Variants in PDCD1LG2 observed in about 807,000 individuals in gnomAD.
The protein encoded by PDCD1LG2 is programmed cell death 1 ligand 2, also known as B7 dendritic cell molecule.
Under a neutral mutation model 28.2 loss-of-function variants are expected in PDCD1LG2, and 32 were observed. The ratio of observed to expected loss-of-function variants is 1.13; its 90% CI spans 0.86 to 1.52. The LOEUF is 1.52. Among genes scored for constraint, PDCD1LG2 ranks in the 40% most tolerant of loss-of-function variants. The pLI, the probability that PDCD1LG2 is intolerant of heterozygous loss-of-function variation, is 0.00. For missense variants in PDCD1LG2, 385 were observed against 323.8 expected (o/e 1.19, Z -1.45); for synonymous variants, 116 against 120.2 (o/e 0.97, Z 0.23).
At chr9:5,531,138 T>G (rs934819856) in intron 2 of PDCD1LG2, among the ~76,000 whole-genome samples, 9 of 152,350 alleles carry the variant, frequency 5.9e-5, no homozygotes, top group African/African-American at 1.7e-4. Flanking sequence ...GGCATTAGTG[T>G]GTTTTAAAAG....
Position 5,569,252 on chromosome 9 carries a change from TA to T in PDCD1LG2, c.817-700del, listed in dbSNP as rs2129972140. Among the ~76,000 whole-genome samples, 1 of 152,252 alleles carries T rather than the reference TA, an allele frequency of 6.6e-6. No individual in the cohort carries two copies. The highest frequency in any genetic ancestry group is 2.1e-4 in the South Asian group (1 of 4,826). ...TAATTTATAAAGGTGTGTGCAGCATTAAGGGAAACCAGCAAGGGATACTGAG... is the reference window on the plus strand; with the variant it reads ...TAATTTATAAAGGTGTGTGCAGCATTAGGGAAACCAGCAAGGGATACTGAG... On this transcript the variant is annotated intron_variant, in intron 6 of 6. Transcript: ENST00000397747. The surrounding 1 kb of genome is among the most constrained non-coding windows in gnomAD (Gnocchi z 4.1).
intron 4 of PDCD1LG2, among the ~76,000 whole-genome samples, chr9:5,555,438 T>C (rs967454249): frequency 6.6e-6 from 1 of 151,820 alleles, no homozygotes; most frequent in African/African-American, 2.4e-5. Context: ...ATTAATTAAT[T>C]AAATTAAAGA....
intron 4 of PDCD1LG2, among the ~76,000 whole-genome samples, chr9:5,553,316 T>C (rs933114454): frequency 2.0e-5 from 3 of 152,216 alleles, no homozygotes; most frequent in Non-Finnish European, 2.9e-5. Flanking sequence ...AACTAATTCA[T>C]ACTAAAGCTA....
At chr9:5,534,424 T>C (rs10975163) in intron 2 of PDCD1LG2, among the ~76,000 whole-genome samples, 8,125 of 152,212 alleles carry the variant, frequency 0.053, 718 homozygotes, top group African/African-American at 0.18. Flanking sequence ...GGTCAGGGAC[T>C]GGAGGTGGGA....
rs553085538 is a variant in PDCD1LG2, at chr9:5,530,081, G to A, written c.56-4664G>A. On this transcript the variant is annotated intron_variant, in intron 2 of 6. Coordinates refer to ENST00000397747, the MANE Select transcript of PDCD1LG2 (RefSeq NM_025239.4). ...GGATAAAATATAAACTTAGTTTCAAGAGGAAGCTATCTTGGGAGGTAATGC... is the reference window on the plus strand; with the variant it reads ...GGATAAAATATAAACTTAGTTTCAAAAGGAAGCTATCTTGGGAGGTAATGC... Among the ~76,000 whole-genome samples, 57 of 147,128 alleles carry A rather than the reference G, an allele frequency of 3.9e-4. 2 individuals carry two copies. The South Asian group carries it at 0.012, about 31-fold the overall frequency.
In PDCD1LG2 at chr9:5,563,645, G is replaced by A. The variant is rs146615971; in HGVS notation, c.816+434G>A. On this transcript the variant is annotated intron_variant, in intron 6 of 6. Coordinates refer to ENST00000397747, the MANE Select transcript of PDCD1LG2 (RefSeq NM_025239.4). ...CAGGTTTGGAGCTGGAATCTGTGGA[G>A]GAGGAAGGATATGATCTAGGGGTCA... Among the ~76,000 whole-genome samples, 129 of 152,310 alleles carry A rather than the reference G, an allele frequency of 8.5e-4. 1 individual carries two copies. The highest frequency in any genetic ancestry group is 2.4e-3 in the African/African-American group (99 of 41,568).
intron 3 of PDCD1LG2, among the ~76,000 whole-genome samples, chr9:5,545,583 A>G (rs555337173): frequency 1.3e-5 from 2 of 152,378 alleles, no homozygotes; most frequent in South Asian, 2.1e-4. Context: ...AAAGGAACAC[A>G]TAACAATCCT....
At chr9:5,527,205 T>A (rs546331302) in intron 2 of PDCD1LG2, among the ~76,000 whole-genome samples, 20 of 152,336 alleles carry the variant, frequency 1.3e-4, no homozygotes, top group Non-Finnish European at 1.9e-4. Flanking sequence ...ATTCTTTTTT[T>A]AAAAAAGTCT....
chr9:5,512,163 G>A (rs1053879022), intron 1 of PDCD1LG2, among the ~76,000 whole-genome samples: 1 of 152,162 alleles, frequency 6.6e-6, no homozygotes, highest in African/African-American at 2.4e-5. Flanking sequence ...AATTCCACAT[G>A]CTAATGTCCA....
chr9:5,533,413 A>G (rs1820520266), intron 2 of PDCD1LG2, among the ~76,000 whole-genome samples: 1 of 152,226 alleles, frequency 6.6e-6, no homozygotes, highest in African/African-American at 2.4e-5. Flanking sequence ...ATGAAAAACA[A>G]GTATCATTTG....
chr9:5,544,435 T>G (rs1363625995), intron 3 of PDCD1LG2, among the ~76,000 whole-genome samples: 2 of 152,130 alleles, frequency 1.3e-5, no homozygotes. Flanking sequence ...CACAAAAGTA[T>G]AGAGCATAGG....
chr9:5,533,811 G>A (rs986992966), intron 2 of PDCD1LG2, among the ~76,000 whole-genome samples: 1 of 151,546 alleles, frequency 6.6e-6, no homozygotes, highest in African/African-American at 2.4e-5. Flanking sequence ...TGAACTGCTT[G>A]GAGCCAGTTT....
intron 5 of PDCD1LG2, among the ~76,000 whole-genome samples, chr9:5,561,627 G>A: frequency 6.6e-6 from 1 of 152,220 alleles, no homozygotes; most frequent in African/African-American, 2.4e-5. Flanking sequence ...GCAAAGTCAA[G>A]TTAGAATCCA....
chr9:5,569,275 T>C lies in PDCD1LG2; in HGVS notation c.817-679T>C, dbSNP rs1003432005. On this transcript the variant is annotated intron_variant, in intron 6 of 6. Coordinates refer to ENST00000397747, the MANE Select transcript of PDCD1LG2 (RefSeq NM_025239.4). This position sits in a 1 kb window ranked among gnomAD's most constrained non-coding sequence, Gnocchi z 4.1. Reference sequence around the variant, plus strand: ...ATTAAGGGAAACCAGCAAGGGATACTGAGCATGCCAGGATGCAAGAGCAGG... The same window carrying C: ...ATTAAGGGAAACCAGCAAGGGATACCGAGCATGCCAGGATGCAAGAGCAGG... Among the ~76,000 whole-genome samples, 2 of 152,190 alleles carry C rather than the reference T, an allele frequency of 1.3e-5. No individual in the cohort carries two copies. Among genetic ancestry groups the C allele is most frequent in the African/African-American group, 2.4e-5 (1 of 41,428 alleles).
intron 2 of PDCD1LG2, among the ~76,000 whole-genome samples, chr9:5,529,201 G>T (rs1389393895): frequency 6.6e-6 from 1 of 152,072 alleles, no homozygotes; most frequent in Non-Finnish European, 1.5e-5. Flanking sequence ...TCATGCTTTT[G>T]GTATCATATC....
intron 2 of PDCD1LG2, among the ~76,000 whole-genome samples, chr9:5,529,640 G>T (rs1820443806): frequency 1.3e-5 from 2 of 152,018 alleles, no homozygotes; most frequent in Non-Finnish European, 2.9e-5. Context: ...AGCCACCCCA[G>T]TCTTTTTTCA....
At chr9:5,525,655 A>C (rs1388172411) in intron 2 of PDCD1LG2, among the ~76,000 whole-genome samples, 1 of 152,080 alleles carries the variant, frequency 6.6e-6, no homozygotes, top group Non-Finnish European at 1.5e-5. Context: ...AAAATAAATA[A>C]ATAAAAATTA....
chr9:5,546,224 T>C (rs1816203192), intron 3 of PDCD1LG2, among the ~76,000 whole-genome samples: 1 of 152,102 alleles, frequency 6.6e-6, no homozygotes, highest in Non-Finnish European at 1.5e-5. Flanking sequence ...ACTTCTGAAA[T>C]CACTTCTCAA....
At chr9:5,538,157 G>C (rs1018235418) in intron 3 of PDCD1LG2, among the ~76,000 whole-genome samples, 3 of 152,100 alleles carry the variant, frequency 2.0e-5, no homozygotes, top group Admixed American at 6.5e-5. Context: ...AGAAGGAATT[G>C]AATAGATTAG....
Sources: gnomAD v4.1 joint callset for allele counts (sites outside exome capture counted in the v4.1 genomes callset) on GRCh38, gnomAD v4.1.1 for gene constraint, Gnocchi (gnomAD v3.1) non-coding constraint, MANE v1.5 for transcripts, NCBI Gene and HGNC (gene_info 2026-07-23, HGNC 2026-07-21) for gene names.